The following DCAF12 variants were observed in gnomAD, a reference collection of about 807,000 sequenced individuals.
The protein encoded by DCAF12 is DDB1 and CUL4 associated factor 12.
A neutral mutation model predicts 52.8 loss-of-function variants in DCAF12; 28 were observed. The ratio of observed to expected loss-of-function variants is 0.53; its 90% CI spans 0.39 to 0.73. DCAF12 has a LOEUF of 0.73. Among genes scored for constraint, DCAF12 ranks in the 30% least tolerant of loss-of-function variants. The pLI is 0.00. For missense variants in DCAF12, 425 were observed against 552.2 expected (o/e 0.77, Z 2.31); for synonymous variants, 196 against 215.5 (o/e 0.91, Z 0.79).
chr9:34,101,047 C>T (rs1427916354), intron 4 of DCAF12, among the ~76,000 whole-genome samples: 2 of 147,610 alleles, frequency 1.4e-5, no homozygotes, highest in African/African-American at 5.0e-5. Context: ...CCCACAGGGA[C>T]CACAAACCCT....
rs558981323 is a variant in DCAF12, at chr9:34,126,595, G to A, written c.-164C>T. On this transcript the variant is annotated 5_prime_UTR_variant, in exon 1 of 9. Coordinates refer to ENST00000361264, the MANE Select transcript of DCAF12 (RefSeq NM_015397.4). ...GCAGCAGAAAAAAGATAGGCGGAAA[G>A]AAAGGAAAGAGAGAGGAAGGACTTG... The A allele has an allele frequency of 1.2e-5, 9 of 737,622 alleles. No homozygotes were observed. In the East Asian group the frequency reaches 1.7e-4, roughly 14 times the overall value. The allele number at this position is 737,622 out of a possible 1,614,324, so 45.7% of individuals were successfully genotyped here.
At chr9:34,120,307 G>T (rs943282458) in intron 2 of DCAF12, among the ~76,000 whole-genome samples, 2 of 149,924 alleles carry the variant, frequency 1.3e-5, no homozygotes, top group Non-Finnish European at 3.0e-5. Flanking sequence ...TTGGGCCCAG[G>T]AATTTGAAGC....
chr9:34,115,861 G>A (rs1355042387), intron 2 of DCAF12, among the ~76,000 whole-genome samples: 1 of 152,076 alleles, frequency 6.6e-6, no homozygotes, highest in Non-Finnish European at 1.5e-5. Context: ...ACAGACATAA[G>A]CCATCAAGCC....
chr9:34,107,574 A>G lies in DCAF12; in HGVS notation c.334-9T>C, dbSNP rs773079876. On this transcript the variant is annotated splice_polypyrimidine_tract_variant and intron_variant, in intron 2 of 8. Transcript: ENST00000361264. ...ACATCTACGACAAATAGCTACAAGA[A>G]AAAATGGATACAGAAGCTGAACATA... The G allele has an allele frequency of 5.0e-6, 8 of 1,613,666 alleles. No individual in the cohort carries two copies. Among genetic ancestry groups the G allele is most frequent in the Non-Finnish European group, 6.8e-6 (8 of 1,179,636 alleles).
intron 4 of DCAF12, among the ~76,000 whole-genome samples, chr9:34,100,319 C>A (rs1424133973): frequency 4.6e-5 from 7 of 151,576 alleles, no homozygotes; most frequent in Non-Finnish European, 8.8e-5. Context: ...CTGCCTCAGC[C>A]TCCTGAGTAG....
chr9:34,091,894 G>A (rs1194668838), intron 7 of DCAF12, among the ~76,000 whole-genome samples: 2 of 152,134 alleles, frequency 1.3e-5, no homozygotes, highest in Non-Finnish European at 2.9e-5. Context: ...CCATCAAGCT[G>A]TGTGATGCTG....
chr9:34,120,544 G>A (rs901745937), intron 2 of DCAF12, among the ~76,000 whole-genome samples: 3 of 151,566 alleles, frequency 2.0e-5, no homozygotes, highest in East Asian at 2.0e-4. Context: ...GGTAGCACGC[G>A]CCTGTAGTCC....
rs1564092655 is a variant in DCAF12 at position 34,089,393 on chromosome 9, C to T, written c.1203+19G>A. 6.2e-7 allele frequency: 1 copy of T among 1,602,508 alleles called. No individual in the cohort carries two copies. Among genetic ancestry groups the T allele is most frequent in the Non-Finnish European group, 8.5e-7 (1 of 1,173,464 alleles). On this transcript the variant is annotated intron_variant, in intron 8 of 8. Transcript: ENST00000361264. Reference sequence around the variant, plus strand: ...TTCTGTTACTGTGTAGCAGTCATCTCAGGTAGGGGCTTACGCACCAGCCAG... The same window carrying T: ...TTCTGTTACTGTGTAGCAGTCATCTTAGGTAGGGGCTTACGCACCAGCCAG...
chr9:34,117,644 G>A (rs1426450599), intron 2 of DCAF12, among the ~76,000 whole-genome samples: 2 of 152,176 alleles, frequency 1.3e-5, no homozygotes, highest in Admixed American at 1.3e-4. Flanking sequence ...GCTGGGTGCA[G>A]TGGCTCACAC....
At chr9:34,106,674 G>A (rs1828909770) in intron 3 of DCAF12, among the ~76,000 whole-genome samples, 180 bp from the exon 4 acceptor site, 1 of 152,106 alleles carries the variant, frequency 6.6e-6, no homozygotes, top group Non-Finnish European at 1.5e-5. Flanking sequence ...CTTCTATCTT[G>A]AGGAGCTCAA....
rs181673995 is a variant in DCAF12 at position 34,109,886 on chromosome 9, T to C, written c.334-2321A>G. 162 of 249,038 alleles carry C rather than the reference T, an allele frequency of 6.5e-4. 1 individual carries two copies. Among genetic ancestry groups the C allele is most frequent in the Non-Finnish European group, 1.1e-4 (13 of 116,450 alleles). 15.4% of individuals were successfully genotyped at this position (249,038 alleles called of 1,614,324 possible). ...TCAATGCAAAAGGTCTCGTCTGTGT[T>C]TTCTGTGAGCTGGTGGACGGAGAGG... On this transcript the variant is annotated intron_variant, in intron 2 of 8. Transcript: ENST00000361264.
At chr9:34,090,636 G>T (rs1828628662) in intron 7 of DCAF12, among the ~76,000 whole-genome samples, 1 of 151,932 alleles carries the variant, frequency 6.6e-6, no homozygotes, top group South Asian at 2.1e-4. Flanking sequence ...ACTTTTCATT[G>T]CATACATTAT....
intron 7 of DCAF12, 41 bp from the exon 8 acceptor site, chr9:34,089,631 A>G (rs1044978986): frequency 8.4e-6 from 13 of 1,548,860 alleles, no homozygotes; most frequent in South Asian, 4.8e-5. Context: ...GCGGGAGAGA[A>G]TATTTGCTGA....
At position 34,093,406 on chromosome 9, in the gene DCAF12, G is replaced by C; in HGVS notation, c.904C>G (p.Leu302Val). ...ACTGACCATTCACTACCATAAGCCA[G>C]ACACACATTCTCACGGCAATATGGC... Reference protein sequence around the residue: ...KLPYCRENVCLAYGSEWSVYA... With the variant: ...KLPYCRENVCVAYGSEWSVYA... The change falls in exon 7 of 9, where the codon CTG becomes GTG. Residue 302 changes from leucine to valine, a missense_variant. Leu to Val is a conservative substitution (Grantham distance 32). Transcript: ENST00000361264. The C allele has an allele frequency of 6.2e-7, 1 of 1,614,170 alleles. No homozygotes were observed. Among genetic ancestry groups the C allele is most frequent in the Non-Finnish European group, 8.5e-7 (1 of 1,180,032 alleles).
At chr9:34,092,351 A>G (rs748656276) in intron 7 of DCAF12, among the ~76,000 whole-genome samples, 1 of 152,192 alleles carries the variant, frequency 6.6e-6, no homozygotes, top group African/African-American at 2.4e-5. Flanking sequence ...ATAGAATTTT[A>G]GTTCAGGCAG....
chr9:34,113,936 G>A (rs1191223659), intron 2 of DCAF12, among the ~76,000 whole-genome samples: 7 of 151,890 alleles, frequency 4.6e-5, no homozygotes, highest in Admixed American at 2.6e-4. Flanking sequence ...GTGAAACCCC[G>A]TCTCTACTAA....
intron 4 of DCAF12, among the ~76,000 whole-genome samples, chr9:34,100,474 A>G (rs1311711151): frequency 6.6e-6 from 1 of 150,800 alleles, no homozygotes; most frequent in Non-Finnish European, 1.5e-5. Context: ...CTGGGATTAC[A>G]GGAGTGAGAC....
At chr9:34,094,651 T>C (rs1368793152) in intron 6 of DCAF12, among the ~76,000 whole-genome samples, 3 of 150,588 alleles carry the variant, frequency 2.0e-5, no homozygotes, top group African/African-American at 4.9e-5. Flanking sequence ...CTGCCTCAGC[T>C]TCCCGGGTAG....
intron 2 of DCAF12, among the ~76,000 whole-genome samples, chr9:34,113,626 C>T (rs1355464925): frequency 6.6e-6 from 1 of 152,144 alleles, no homozygotes; most frequent in Non-Finnish European, 1.5e-5. Context: ...AAGCATGAGC[C>T]ACCGCACCAA....
Sources: gnomAD v4.1 joint callset for allele counts (sites outside exome capture counted in the v4.1 genomes callset) on GRCh38, gnomAD v4.1.1 for gene constraint, MANE v1.5 for transcripts, NCBI Gene and HGNC (gene_info 2026-07-23, HGNC 2026-07-21) for gene names.